SLC2A14: variants seen among roughly 807,000 people sequenced by gnomAD.
SLC2A14 encodes the protein solute carrier family 2, facilitated glucose transporter member 14.
A neutral mutation model predicts 43.0 loss-of-function variants in SLC2A14; 13 were observed. That is an observed-to-expected ratio of 0.30 (90% CI 0.20 to 0.48). The LOEUF is 0.48. Among genes scored for constraint, SLC2A14 ranks in the 20% least tolerant of loss-of-function variants. The pLI is 0.99. For missense variants in SLC2A14, 428 were observed against 620.4 expected (o/e 0.69, Z 3.29); for synonymous variants, 190 against 233.8 (o/e 0.81, Z 1.71).
chr12:7,828,821 C>T lies in SLC2A14; in HGVS notation c.559G>A (p.Val187Met), dbSNP rs761558668. ...GGAAGGATGGTAAAGCCTAATAGCA[C>T]CGGCCATAGCTCTTCAGACCCAAGG... ...LILGSEELWP[V>M]LLGFTILPAI... Residue 187 changes from valine (V) to methionine (M), a missense_variant, in exon 6 of 11, where the codon GTG (valine) becomes ATG (methionine). Physicochemically the swap from Val to Met is conservative, Grantham distance 21. Around this residue, in one of 4 missense-constraint regions of SLC2A14, gnomAD observed 185 missense variants for 275.4 expected, o/e 0.67. Transcript: ENST00000431042. 2.0e-5 allele frequency: 32 copies of T among 1,614,028 alleles called. No homozygotes were observed. The highest frequency in any genetic ancestry group is 1.6e-4 in the East Asian group (7 of 44,894).
upstream of SLC2A14, among the ~76,000 whole-genome samples, chr12:7,876,458 G>A (rs1045396131): frequency 1.3e-5 from 2 of 152,134 alleles, no homozygotes; most frequent in East Asian, 3.9e-4. Flanking sequence ...AAGTGTTGGT[G>A]CTGAAGTGGA....
At chr12:7,867,051 G>A (rs61922956) in intron 2 of SLC2A14, among the ~76,000 whole-genome samples, 151,236 of 151,538 alleles carry the variant, frequency 1, 75,470 homozygotes, top group Middle Eastern at 1. Flanking sequence ...AGGCCGAGGC[G>A]GGTGGATCAC....
chr12:7,826,942 T>C lies in SLC2A14; in HGVS notation c.864+553A>G, dbSNP rs1000086137. Among the ~76,000 whole-genome samples, 6 of 144,370 alleles carry C rather than the reference T, an allele frequency of 4.2e-5. 1 individual carries two copies. The highest frequency in any genetic ancestry group is 7.5e-5 in the Non-Finnish European group (5 of 66,514). The allele number at this position is 144,370 out of a possible 152,430, so 94.7% of individuals were successfully genotyped here. On this transcript the variant is annotated intron_variant, in intron 7 of 10. Coordinates refer to ENST00000431042, the MANE Select transcript of SLC2A14 (RefSeq NM_001286234.2). Reference sequence around the variant, plus strand: ...TTCCTTTTTCTTTCCTTTCCTTTCCTTTCTTTCCTTTCTTCTCTCTCTTTC... The same window carrying C: ...TTCCTTTTTCTTTCCTTTCCTTTCCCTTCTTTCCTTTCTTCTCTCTCTTTC...
intron 2 of SLC2A14, among the ~76,000 whole-genome samples, chr12:7,851,543 T>C (rs1866939873): frequency 6.6e-6 from 1 of 152,130 alleles, no homozygotes; most frequent in Non-Finnish European, 1.5e-5. Context: ...TAGCTCTAAA[T>C]ATAAAAGCAT....
chr12:7,831,573 C>A, intron 4 of SLC2A14, 31 bp downstream of exon 4: 1 of 1,612,744 alleles, frequency 6.2e-7, no homozygotes, highest in Non-Finnish European at 8.5e-7. Context: ...TCTGGTAGAG[C>A]CCACTTCCTT....
At chr12:7,826,631 C>T (rs1248289738) in intron 7 of SLC2A14, among the ~76,000 whole-genome samples, 1 of 152,086 alleles carries the variant, frequency 6.6e-6, no homozygotes, top group East Asian at 1.9e-4. Context: ...TACTCTCTTC[C>T]CACAATCCAC....
chr12:7,876,303 A>AAAAAAAAAAAAAG (rs1555149216), upstream of SLC2A14, among the ~76,000 whole-genome samples: 24 of 133,722 alleles, frequency 1.8e-4, no homozygotes, highest in African/African-American at 6.1e-4. Context: ...AAAAAAAAAA[A>AAAAAAAAAAAAAG]AGAGAGACAA....
intron 2 of SLC2A14, among the ~76,000 whole-genome samples, chr12:7,866,014 C>T (rs919113108): frequency 6.6e-6 from 1 of 151,910 alleles, no homozygotes; most frequent in East Asian, 1.9e-4. Flanking sequence ...GTCAGGAGTT[C>T]GAGACCATCC....
intron 2 of SLC2A14, among the ~76,000 whole-genome samples, chr12:7,849,891 C>A (rs1412704845): frequency 7.0e-6 from 1 of 142,234 alleles, no homozygotes; most frequent in Non-Finnish European, 1.5e-5. Flanking sequence ...GGTGACAGAG[C>A]GAGACTCCAT....
intron 2 of SLC2A14, among the ~76,000 whole-genome samples, chr12:7,865,287 C>T (rs1944844562): frequency 6.6e-6 from 1 of 152,092 alleles, no homozygotes; most frequent in Non-Finnish European, 1.5e-5. Context: ...CCTGTAATCC[C>T]AGCACTTTGG....
At chr12:7,876,687 C>G (rs760489155), upstream of SLC2A14, among the ~76,000 whole-genome samples, 1 of 152,148 alleles carries the variant, frequency 6.6e-6, no homozygotes, top group East Asian at 1.9e-4. Flanking sequence ...GATATGGAAA[C>G]AATCTAAACG....
At chr12:7,818,166 G>A in intron 9 of SLC2A14, 132 bp from the exon 10 acceptor site, 1 of 807,344 alleles carries the variant, frequency 1.2e-6, no homozygotes, top group Non-Finnish European at 1.9e-6. Flanking sequence ...GGAATCAAAA[G>A]GCTTGGATTT....
chr12:7,817,992 A>C lies in SLC2A14; in HGVS notation c.1114T>G (p.Leu372Val). The C allele has an allele frequency of 1.2e-6, 2 of 1,614,122 alleles. No homozygotes were observed. The highest frequency in any genetic ancestry group is 2.7e-5 in the African/African-American group (2 of 75,052). ...ATTTCAAAACAGGCCACAAAGACCAAGATAGCCCCAATACAGACAAAGCTC... is the reference window on the plus strand; with the variant it reads ...ATTTCAAAACAGGCCACAAAGACCACGATAGCCCCAATACAGACAAAGCTC... ...GMSFVCIGAI[L>V]VFVACFEIGP... The change falls in exon 10 of 11, where the codon TTG becomes GTG. Residue 372 changes from leucine to valine, a missense_variant. Around this residue, in one of 4 missense-constraint regions of SLC2A14, gnomAD observed 119 missense variants for 188.7 expected, o/e 0.63. Coordinates refer to ENST00000431042, the MANE Select transcript of SLC2A14 (RefSeq NM_001286234.2).
At chr12:7,853,992 A>C (rs1867146253) in intron 2 of SLC2A14, among the ~76,000 whole-genome samples, 1 of 152,144 alleles carries the variant, frequency 6.6e-6, no homozygotes, top group South Asian at 2.1e-4. Flanking sequence ...AGCTATCCAA[A>C]ATATAATGGG....
At chr12:7,856,316 C>A (rs1398629008) in intron 2 of SLC2A14, 1 of 152,072 alleles carries the variant, frequency 6.6e-6, no homozygotes, top group Non-Finnish European at 1.5e-5. Context: ...TAATCTCCCA[C>A]GAGCGGGGGA....
intron 1 of SLC2A14, among the ~76,000 whole-genome samples, chr12:7,879,135 G>T (rs1945520032): frequency 6.6e-6 from 1 of 151,624 alleles, no homozygotes; most frequent in African/African-American, 2.4e-5. Flanking sequence ...GCTTACATAG[G>T]AAAACTTCTT....
chr12:7,875,030 CATATATAAATAT>C (rs1396714313), upstream of SLC2A14, among the ~76,000 whole-genome samples: 283 of 100,586 alleles, frequency 2.8e-3, 2 homozygotes, highest in African/African-American at 0.011. Flanking sequence ...TATATAAATA[CATATATAAATAT>C]ATATTTATAT....
intron 2 of SLC2A14, among the ~76,000 whole-genome samples, chr12:7,851,441 T>C (rs1276854543): frequency 6.6e-6 from 1 of 152,164 alleles, no homozygotes; most frequent in Non-Finnish European, 1.5e-5. Flanking sequence ...TGCCAAGTTT[T>C]TGGAGCCTTT....
chr12:7,884,619 G>A (rs760843414), intron 1 of SLC2A14, among the ~76,000 whole-genome samples: 15 of 152,222 alleles, frequency 9.9e-5, no homozygotes, highest in African/African-American at 3.1e-4. Context: ...CATTGTCATA[G>A]GTGCTGGACT....
Sources: allele counts gnomAD v4.1 joint callset (sites outside exome capture counted in the v4.1 genomes callset), GRCh38; gene constraint gnomAD v4.1.1; regional missense constraint gnomAD v4.1.1; transcripts MANE v1.5; gene names NCBI Gene and HGNC (gene_info 2026-07-23, HGNC 2026-07-21).